Variants in TADA2B observed in about 807,000 individuals in gnomAD.
TADA2B encodes transcriptional adapter 2-beta.
A neutral mutation model predicts 34.5 loss-of-function variants in TADA2B; 13 were observed. The ratio of observed to expected loss-of-function variants is 0.38; its 90% confidence interval spans 0.25 to 0.60. TADA2B has a LOEUF of 0.60. TADA2B is among the 20% of genes least tolerant of loss of function. The pLI, the probability that TADA2B is intolerant of heterozygous loss-of-function variation, is 0.65. For synonymous variants in TADA2B, 240 were observed against 243.4 expected, an observed-to-expected ratio of 0.99 and a Z score of 0.13; for missense variants, 442 against 575.0, an observed-to-expected ratio of 0.77 and a Z score of 2.37.
In TADA2B at chr4:7,048,885, G is replaced by A. The variant is rs116315620; in HGVS notation, c.270+5036G>A. On this transcript the variant is annotated intron_variant, in intron 1 of 1. Coordinates refer to ENST00000310074, the MANE Select transcript of TADA2B (RefSeq NM_152293.3). ...TGTCGTCAGGGATCATCCGTGTTGT[G>A]GCATGCGTCAGCACGGCCTTCCTTT... 2.8e-3 allele frequency among the ~76,000 whole-genome samples: 433 copies of A among 152,322 alleles called. 1 individual carries two copies. Among genetic ancestry groups the A allele is most frequent in the African/African-American group, 0.01 (420 of 41,576 alleles).
intron 1 of TADA2B, among the ~76,000 whole-genome samples, chr4:7,048,342 G>T (rs1032670780): frequency 1.3e-5 from 2 of 152,074 alleles, no homozygotes; most frequent in African/African-American, 4.8e-5. Context: ...CGCAGAGGTG[G>T]TCTCCAACTC....
At position 7,057,871 on chromosome 4, in the gene TADA2B, C is replaced by T. The variant is rs1039820913; in HGVS notation, c.*2817C>T. The T allele has an allele frequency of 3.5e-5, 5 of 143,076 alleles. No individual in the cohort carries two copies. The highest frequency in any genetic ancestry group is 1.3e-4 in the African/African-American group (5 of 39,650). 8.9% of individuals were successfully genotyped at this position (143,076 alleles called of 1,614,324 possible). On this transcript the variant is annotated 3_prime_UTR_variant, in exon 2 of 2. Coordinates refer to ENST00000310074, the MANE Select transcript of TADA2B (RefSeq NM_152293.3). ...GAAATAATGCTGTCTGAATGGCCAA[C>T]ATCCCAAGAATGTATTAAAAACAGC...
chr4:7,054,538 C>T lies in TADA2B; in HGVS notation c.747C>T (p.Thr249=). ...AAAAGGCGCTGAAGCGCAAGATCAC[C>T]AAGGAGGAGAAGGAGCTGCGCCTGA... The part of the protein sequence containing the change: ...EKEKALKRKI[T]KEEKELRLKL... The change falls in exon 2 of 2, where the codon ACC becomes ACT. Residue 249 remains threonine, a synonymous_variant. Coordinates refer to ENST00000310074, the MANE Select transcript of TADA2B (RefSeq NM_152293.3). 1 of 1,613,812 alleles carries T rather than the reference C, an allele frequency of 6.2e-7. No homozygotes were observed. Among genetic ancestry groups the T allele is most frequent in the Non-Finnish European group, 8.5e-7 (1 of 1,179,904 alleles).
intron 1 of TADA2B, among the ~76,000 whole-genome samples, chr4:7,051,988 CA>C (rs1723781519): frequency 6.6e-6 from 1 of 152,242 alleles, no homozygotes; most frequent in African/African-American, 2.4e-5. Context: ...GGGCCAATGC[CA>C]GGGGGGCCCC....
intron 1 of TADA2B, among the ~76,000 whole-genome samples, chr4:7,050,497 C>T (rs934653842): frequency 2.0e-5 from 3 of 152,376 alleles, no homozygotes; most frequent in Admixed American, 2.0e-4. Flanking sequence ...CCCAAACCAC[C>T]GGGAGAAGCC....
intron 1 of TADA2B, 193 bp from the exon 2 acceptor site, chr4:7,053,869 C>T: frequency 1.6e-6 from 1 of 608,954 alleles, no homozygotes; most frequent in East Asian, 2.8e-5. Flanking sequence ...TGTGTTGTTG[C>T]TTCAACATTG....
At chr4:7,050,266 AGTCCCCT>A (rs1450722087) in intron 1 of TADA2B, among the ~76,000 whole-genome samples, 1 of 152,196 alleles carries the variant, frequency 6.6e-6, no homozygotes, top group African/African-American at 2.4e-5. Context: ...GACATAGTCC[AGTCCCCT>A]GTCCCATGGA....
rs553969404 is a variant in TADA2B, at chr4:7,044,411, C to T, written c.270+562C>T. 9.2e-5 allele frequency among the ~76,000 whole-genome samples: 14 copies of T among 152,270 alleles called. No homozygotes were observed. The South Asian group carries it at 2.9e-3, about 32-fold the overall frequency. On this transcript the variant is annotated intron_variant, in intron 1 of 1. Coordinates refer to ENST00000310074, the MANE Select transcript of TADA2B (RefSeq NM_152293.3). ...GGTCCCCACAACCCACGACCTTGTG[C>T]GAATGGTCAGTAAAGAATGAACAAA...
At chr4:7,046,460 G>A (rs1723633082) in intron 1 of TADA2B, among the ~76,000 whole-genome samples, 1 of 152,242 alleles carries the variant, frequency 6.6e-6, no homozygotes, top group African/African-American at 2.4e-5. Flanking sequence ...AACAGCAGCT[G>A]TAAGAAACTA....
At chr4:7,048,246 T>G (rs1008804557) in intron 1 of TADA2B, among the ~76,000 whole-genome samples, 2 of 152,042 alleles carry the variant, frequency 1.3e-5, no homozygotes, top group African/African-American at 4.8e-5. Flanking sequence ...GAGCCTCCAC[T>G]GTGCGGGCTT....
intron 1 of TADA2B, among the ~76,000 whole-genome samples, chr4:7,050,949 C>T (rs1294904507): frequency 1.3e-5 from 2 of 152,184 alleles, no homozygotes; most frequent in Non-Finnish European, 2.9e-5. Context: ...GGTCTTGTGC[C>T]CTTGGCAGGG....
chr4:7,052,712 T>C (rs932736703), intron 1 of TADA2B: 6 of 150,438 alleles, frequency 4.0e-5, no homozygotes. Flanking sequence ...GGCCAAATGC[T>C]TCCTGGGGAA....
At chr4:7,044,778 T>A (rs565257296) in intron 1 of TADA2B, among the ~76,000 whole-genome samples, 2 of 152,296 alleles carry the variant, frequency 1.3e-5, no homozygotes, top group Non-Finnish European at 2.9e-5. Flanking sequence ...AGTCTTCCCC[T>A]GCTACACCAG....
Position 7,054,651 on chromosome 4 carries a change from A to G in TADA2B, c.860A>G (p.Lys287Arg). 1 of 1,613,952 alleles carries G rather than the reference A, an allele frequency of 6.2e-7. No individual in the cohort carries two copies. Among genetic ancestry groups the G allele is most frequent in the Non-Finnish European group, 8.5e-7 (1 of 1,179,892 alleles). ...NMHKEKMLRA[K>R]IRELQRYRRN... ...CACAAAGAAAAAATGCTCCGGGCCAAGATCCGAGAACTGCAGCGGTACCGG... is the reference window on the plus strand; with the variant it reads ...CACAAAGAAAAAATGCTCCGGGCCAGGATCCGAGAACTGCAGCGGTACCGG... The change falls in exon 2 of 2, where the codon AAG becomes AGG. Residue 287 changes from lysine (K) to arginine (R), a missense_variant. Lys to Arg is a conservative substitution (Grantham distance 26). Transcript: ENST00000310074.
At chr4:7,050,564 G>A (rs1454789369) in intron 1 of TADA2B, among the ~76,000 whole-genome samples, 2 of 152,246 alleles carry the variant, frequency 1.3e-5, no homozygotes. Context: ...CCAGATGGGG[G>A]TGAGGAAAGG....
intron 1 of TADA2B, among the ~76,000 whole-genome samples, chr4:7,046,965 C>T (rs1412506943): frequency 6.6e-6 from 1 of 152,000 alleles, no homozygotes; most frequent in Non-Finnish European, 1.5e-5. Flanking sequence ...AGGGACAACC[C>T]GTGTGCTGGT....
At chr4:7,043,999 A>G (rs1723553671) in intron 1 of TADA2B, 150 bp downstream of exon 1, 2 of 1,132,236 alleles carry the variant, frequency 1.8e-6, no homozygotes. Context: ...CTGCCGGTTT[A>G]TAGTCGGGCA....
chr4:7,056,722 A>G lies in TADA2B; in HGVS notation c.*1668A>G, dbSNP rs1381487835. ...TAAGCCCAGAACTTCTCTTTTGACA[A>G]TAAAGTACTGAGCAGTGGTATCATG... On this transcript the variant is annotated 3_prime_UTR_variant, in exon 2 of 2. Coordinates refer to ENST00000310074, the MANE Select transcript of TADA2B (RefSeq NM_152293.3). 6.6e-6 allele frequency: 1 copy of G among 152,232 alleles called. No homozygotes were observed. Among genetic ancestry groups the G allele is most frequent in the Non-Finnish European group, 1.5e-5 (1 of 68,042 alleles). The allele number at this position is 152,232 out of a possible 1,614,324, so 9.4% of individuals were successfully genotyped here. A position where few individuals can be genotyped will look rare whatever the true frequency, so the allele number is the denominator to read the frequency against.
Position 7,054,686 on chromosome 4 carries a change from A to G in TADA2B, c.895A>G (p.Ile299Val). ...ACTGCAGCGGTACCGGCGAAACGGG[A>G]TCACCAAGATGGAAGAGTCGGCAGA... ...RELQRYRRNG[I>V]TKMEESAEYE... The change falls in exon 2 of 2, where the codon ATC (isoleucine) becomes GTC (valine). Residue 299 changes from isoleucine to valine, a missense_variant. By Grantham distance (29) the Ile-to-Val change is conservative (BLOSUM62 3). This residue lies in a region of TADA2B where 4 missense variants were observed against 18.0 expected (regional missense o/e 0.22). Coordinates refer to ENST00000310074, the MANE Select transcript of TADA2B (RefSeq NM_152293.3). 1 of 1,613,976 alleles carries G rather than the reference A, an allele frequency of 6.2e-7. No individual in the cohort carries two copies. Among genetic ancestry groups the G allele is most frequent in the East Asian group, 2.2e-5 (1 of 44,890 alleles).
Sources: allele counts gnomAD v4.1 joint callset (sites outside exome capture counted in the v4.1 genomes callset), GRCh38; gene constraint gnomAD v4.1.1; regional missense constraint gnomAD v4.1.1; transcripts MANE v1.5; gene names NCBI Gene and HGNC (gene_info 2026-07-23, HGNC 2026-07-21).